The following ADAMTS9 variants were observed in gnomAD, a reference collection of about 807,000 sequenced individuals.
The protein encoded by ADAMTS9 is A disintegrin and metalloproteinase with thrombospondin motifs 9.
A neutral mutation model predicts 257.1 loss-of-function variants in ADAMTS9; 107 were observed. The ratio of observed to expected loss-of-function variants is 0.42; its 90% CI spans 0.36 to 0.49. The LOEUF (loss-of-function observed/expected upper bound fraction) is 0.49, where lower values mean the gene tolerates loss of function less well. ADAMTS9 is among the 20% of genes least tolerant of loss of function. ADAMTS9 has a pLI of 0.03. For synonymous variants in ADAMTS9, 982 were observed against 880.9 expected (o/e 1.11, Z -2.03); for missense variants, 2,353 against 2,469.1 (o/e 0.95, Z 1.00).
In ADAMTS9 at chr3:64,687,525, G is replaced by A. The variant is rs1468250368; in HGVS notation, c.115+18C>T. The stretch of plus-strand genomic sequence containing the variant: ...GGCGTCGGGGCCGGCGGGGTCCCGG[G>A]GGCCGGAGCCTGGTTACCTTGCCTC... On this transcript the variant is annotated intron_variant, in intron 1 of 39. Transcript: ENST00000498707. This position sits in a 1 kb window ranked among gnomAD's most constrained non-coding sequence, Gnocchi z 4.4. The A allele has an allele frequency of 1.3e-5, 19 of 1,515,832 alleles. No individual in the cohort carries two copies. Among genetic ancestry groups the A allele is most frequent in the Non-Finnish European group, 1.6e-5 (18 of 1,127,094 alleles). 93.9% of individuals were successfully genotyped at this position (1,515,832 alleles called of 1,614,324 possible).
rs538661492 is a variant in ADAMTS9, at chr3:64,590,944, T to C, written c.4356+3314A>G. ...CCCATCTTGGATACATGGTATCACC[T>C]AGCAGACTTTTAATCTGTGATTATC... On this transcript the variant is annotated intron_variant, in intron 28 of 39. Coordinates refer to ENST00000498707, the MANE Select transcript of ADAMTS9 (RefSeq NM_182920.2). Among the ~76,000 whole-genome samples the C allele has an allele frequency of 3.3e-5, 5 of 152,322 alleles. No individual in the cohort carries two copies. The South Asian group carries it at 8.3e-4, about 25-fold the overall frequency.
At chr3:64,606,666 T>C (rs535168483) in intron 23 of ADAMTS9, among the ~76,000 whole-genome samples, 1 of 152,296 alleles carries the variant, frequency 6.6e-6, no homozygotes, top group South Asian at 2.1e-4. Flanking sequence ...GAATACTACA[T>C]TGAAATCATT....
At position 64,551,018 on chromosome 3, in the gene ADAMTS9, C is replaced by A. The variant is rs146412036; in HGVS notation, c.4743G>T (p.Val1581=). The A allele has an allele frequency of 1.7e-3, 2,701 of 1,614,240 alleles. 6 individuals are homozygous for A. Among genetic ancestry groups the A allele is most frequent in the Non-Finnish European group, 2.2e-3 (2,562 of 1,180,034 alleles). ...CCTCGTTTTTGTTGTCATCCACACA[C>A]ACCACCTTGCGGTACCTGGAGCCTT... ...CGEGSRYRKV[V]CVDDNKNEVH... is the part of the protein sequence containing the mutation. Residue 1581 remains valine, a synonymous_variant, in exon 31 of 40, where the codon GTG becomes GTT. Transcript: ENST00000498707.
intron 37 of ADAMTS9, among the ~76,000 whole-genome samples, chr3:64,537,603 C>A (rs539898510): frequency 6.6e-6 from 1 of 152,302 alleles, no homozygotes; most frequent in East Asian, 1.9e-4. Context: ...GTTAAAACAA[C>A]GTTCAGATGT....
chr3:64,629,046 T>C lies in ADAMTS9; in HGVS notation c.2389+2409A>G, dbSNP rs1475088368. ...TTAGTCTTGTGTACTTTTAACTCCT[T>C]TGTACCTTTAACTCACACACTATGT... On this transcript the variant is annotated intron_variant, in intron 16 of 39. Coordinates refer to ENST00000498707, the MANE Select transcript of ADAMTS9 (RefSeq NM_182920.2). 3.9e-5 allele frequency among the ~76,000 whole-genome samples: 6 copies of C among 152,192 alleles called. No homozygotes were observed. The East Asian group carries it at 7.7e-4, about 20-fold the overall frequency.
rs1204706330 is a variant in ADAMTS9, at chr3:64,604,020, C to G, written c.3649G>C (p.Ala1217Pro). The change falls in exon 25 of 40, where the codon GCT becomes CCT. Residue 1217 changes from alanine (A) to proline (P), a missense_variant. By Grantham distance (27) the Ala-to-Pro change is conservative. Around this residue, in one of 3 missense-constraint regions of ADAMTS9, gnomAD observed 1,402 missense variants for 1,441.4 expected, o/e 0.97. Coordinates refer to ENST00000498707, the MANE Select transcript of ADAMTS9 (RefSeq NM_182920.2). The part of the protein sequence containing the change: ...VSCRDENGSV[A>P]DESACATLPR... ...AGGGTAGCACAGGCACTCTCGTCAG[C>G]CACAGAGCCATTCTCATCTCGGCAG... 6.2e-7 allele frequency: 1 copy of G among 1,613,986 alleles called. No homozygotes were observed. The highest frequency in any genetic ancestry group is 8.5e-7 in the Non-Finnish European group (1 of 1,180,016).
chr3:64,636,046 T>A (rs1700486558), intron 12 of ADAMTS9, among the ~76,000 whole-genome samples: 1 of 151,566 alleles, frequency 6.6e-6, no homozygotes, highest in Non-Finnish European at 1.5e-5. Flanking sequence ...TGAAAGTAAC[T>A]CATACTTCTT....
At chr3:64,621,067 G>A (rs1345734552) in intron 19 of ADAMTS9, 47 bp downstream of exon 19, 2 of 1,567,350 alleles carry the variant, frequency 1.3e-6, no homozygotes, top group East Asian at 2.3e-5. Context: ...CCTCCTGCAA[G>A]ACTCTCACAA....
intron 3 of ADAMTS9, among the ~76,000 whole-genome samples, chr3:64,659,496 A>G (rs1353102320): frequency 6.6e-6 from 1 of 151,860 alleles, no homozygotes; most frequent in African/African-American, 2.4e-5. Context: ...AAAAAAAGGA[A>G]ATGTTTCATA....
chr3:64,670,768 TACTC>T (rs1216759477), intron 3 of ADAMTS9, among the ~76,000 whole-genome samples: 3 of 152,168 alleles, frequency 2.0e-5, no homozygotes, highest in African/African-American at 4.8e-5. Flanking sequence ...CATGAAGAAA[TACTC>T]AATATCATTA....
chr3:64,680,561 C>G (rs570271897), intron 3 of ADAMTS9, among the ~76,000 whole-genome samples: 2 of 152,062 alleles, frequency 1.3e-5, no homozygotes, highest in African/African-American at 4.8e-5. Context: ...AATGGCCAAA[C>G]ATGTCAGCGC....
Position 64,591,774 on chromosome 3 carries a change from T to C in ADAMTS9, c.4356+2484A>G, listed in dbSNP as rs553115138. ...GGCTAATTCACACAGCAGCAGTTGC[T>C]TCTTGACATCATCTAATGCATGGGA... On this transcript the variant is annotated intron_variant, in intron 28 of 39. Coordinates refer to ENST00000498707, the MANE Select transcript of ADAMTS9 (RefSeq NM_182920.2). Among the ~76,000 whole-genome samples, 23 of 152,330 alleles carry C rather than the reference T, an allele frequency of 1.5e-4. No homozygotes were observed. The East Asian group carries it at 4.4e-3, about 29-fold the overall frequency.
At chr3:64,682,243 T>C (rs1447721861) in intron 2 of ADAMTS9, among the ~76,000 whole-genome samples, 2 of 152,222 alleles carry the variant, frequency 1.3e-5, no homozygotes, top group African/African-American at 4.8e-5. Flanking sequence ...AGATACTTAA[T>C]GTAAAGAGTT....
chr3:64,552,110 A>G (rs956710731), intron 30 of ADAMTS9, among the ~76,000 whole-genome samples: 2 of 152,202 alleles, frequency 1.3e-5, no homozygotes, highest in African/African-American at 2.4e-5. Context: ...AGATTTAACA[A>G]TTACTGTAAT....
chr3:64,656,505 A>G (rs1701073644), intron 4 of ADAMTS9, among the ~76,000 whole-genome samples: 1 of 152,158 alleles, frequency 6.6e-6, no homozygotes, highest in South Asian at 2.1e-4. Context: ...TGTTCAACAA[A>G]TGAGGAAACT....
chr3:64,675,929 A>G (rs80303166), intron 3 of ADAMTS9, among the ~76,000 whole-genome samples: 1,816 of 152,304 alleles, frequency 0.012, 47 homozygotes, highest in East Asian at 0.1. Flanking sequence ...GGCTTTAATT[A>G]TCATCTTATG....
intron 26 of ADAMTS9, 109 bp from the exon 27 acceptor site, chr3:64,597,100 C>T: frequency 7.0e-7 from 1 of 1,436,490 alleles, no homozygotes; most frequent in South Asian, 1.3e-5. Flanking sequence ...ATTCTCAAGT[C>T]ATCCACGAAG....
intron 38 of ADAMTS9, among the ~76,000 whole-genome samples, chr3:64,532,541 C>G (rs2082995625): frequency 6.6e-6 from 1 of 152,048 alleles, no homozygotes; most frequent in Non-Finnish European, 1.5e-5. Flanking sequence ...TGTACTGTGC[C>G]CATCACCACC....
intron 29 of ADAMTS9, chr3:64,562,978 G>C (rs1441126992): frequency 1.3e-5 from 2 of 152,196 alleles, no homozygotes; most frequent in African/African-American, 4.8e-5. Flanking sequence ...ATGCCAGAGA[G>C]GAGAACCATA....
Sources: gnomAD v4.1 joint callset for allele counts (sites outside exome capture counted in the v4.1 genomes callset) on GRCh38, gnomAD v4.1.1 for gene constraint, gnomAD v4.1.1 regional missense constraint, Gnocchi (gnomAD v3.1) non-coding constraint, MANE v1.5 for transcripts, NCBI Gene and HGNC (gene_info 2026-07-23, HGNC 2026-07-21) for gene names.